Variants in TOM1L1 observed in about 807,000 individuals in gnomAD.
TOM1L1 encodes the protein target of myb1 like 1 membrane trafficking protein, also known as TOM1-like protein 1.
In TOM1L1, 64 loss-of-function variants were observed where a neutral mutation model predicts 63.4. The observed-to-expected ratio is 1.01, with a 90% CI of 0.83 to 1.24. The LOEUF is 1.24. Ranked by LOEUF, TOM1L1 falls within the 50% of genes most tolerant of loss-of-function variation. The pLI is 0.00. For synonymous variants in TOM1L1, 166 were observed against 194.4 expected (o/e 0.85, Z 1.22); for missense variants, 536 against 567.0 (o/e 0.95, Z 0.55).
rs1041309323 is a variant in TOM1L1 at position 54,936,996 on chromosome 17, T to C, written c.916-113T>C. 4.6e-5 allele frequency: 42 copies of C among 913,224 alleles called. No homozygotes were observed. The Admixed American group carries it at 5.3e-4, about 12-fold the overall frequency. 56.6% of individuals were successfully genotyped at this position (913,224 alleles called of 1,614,324 possible). A position where few individuals can be genotyped will look rare whatever the true frequency, so the allele number is the denominator to read the frequency against. On this transcript the variant is annotated intron_variant, in intron 9 of 15. Coordinates refer to ENST00000575882, the MANE Select transcript of TOM1L1 (RefSeq NM_005486.3). ...CTAATGTTGCTCGTTGAGTGGAGAA[T>C]TCTTCCTTAAAATGCATCCAAATAG...
At chr17:54,955,273 C>T (rs1197221667) in intron 14 of TOM1L1, 1 of 152,258 alleles carries the variant, frequency 6.6e-6, no homozygotes, top group Non-Finnish European at 1.5e-5. Context: ...CAGGAGATCT[C>T]ATGGAGACAA....
chr17:54,961,076 T>G, intron 15 of TOM1L1, 159 bp from the exon 16 acceptor site: 1 of 631,910 alleles, frequency 1.6e-6, no homozygotes, highest in Admixed American at 2.9e-5. Flanking sequence ...AAAACTTATT[T>G]ATTCCCCTTA....
intron 7 of TOM1L1, among the ~76,000 whole-genome samples, chr17:54,922,298 TAAAC>T (rs1280857408): frequency 8.1e-5 from 12 of 147,362 alleles, no homozygotes; most frequent in Admixed American, 6.8e-4. Context: ...CTCAAAAAAA[TAAAC>T]AAAAAAAGAA....
intron 9 of TOM1L1, 109 bp from the exon 10 acceptor site, chr17:54,937,000 T>A: frequency 1.1e-6 from 1 of 936,622 alleles, no homozygotes. Context: ...GGAGAATTCT[T>A]CCTTAAAATG....
rs1467615278 is a variant in TOM1L1, at chr17:54,903,783, C to A, written c.134C>A (p.Thr45Asn). ...FMHICDIINTTQDGPKDAVKA... is the reference protein window; with the variant it reads ...FMHICDIINTNQDGPKDAVKA... ...CACATCTGTGACATAATTAACACTA[C>A]CCAGGATGGGTGAGTACAGCATGGT... Residue 45 changes from threonine (T) to asparagine (N), a missense_variant, in exon 2 of 16, where the codon ACC (threonine) becomes AAC (asparagine). Coordinates refer to ENST00000575882, the MANE Select transcript of TOM1L1 (RefSeq NM_005486.3). 2 of 1,614,054 alleles carry A rather than the reference C, an allele frequency of 1.2e-6. No individual in the cohort carries two copies. Among genetic ancestry groups the A allele is most frequent in the Admixed American group, 1.7e-5 (1 of 60,024 alleles).
chr17:54,913,899 G>GA, intron 5 of TOM1L1, 26 bp downstream of exon 5: 1 of 1,595,744 alleles, frequency 6.3e-7, no homozygotes, highest in Non-Finnish European at 8.6e-7. Flanking sequence ...TTGACCCATG[G>GA]AGACTATAGT....
At chr17:54,905,912 A>G (rs1441694378) in intron 3 of TOM1L1, among the ~76,000 whole-genome samples, 1 of 151,904 alleles carries the variant, frequency 6.6e-6, no homozygotes, top group Non-Finnish European at 1.5e-5. Context: ...GCTCCTGCCT[A>G]TAATCCTAGC....
chr17:54,912,577 G>A (rs1434550997), intron 3 of TOM1L1, 89 bp from the exon 4 acceptor site: 1 of 1,118,240 alleles, frequency 8.9e-7, no homozygotes. Context: ...GGATGCTGAT[G>A]GAACCCATTA....
chr17:54,902,842 T>C (rs981951534), intron 1 of TOM1L1, among the ~76,000 whole-genome samples: 1 of 152,230 alleles, frequency 6.6e-6, no homozygotes, highest in African/African-American at 2.4e-5. Context: ...AGATGCCTGA[T>C]TATCTAATCA....
chr17:54,905,418 T>C, intron 2 of TOM1L1, 71 bp from the exon 3 acceptor site: 2 of 1,043,430 alleles, frequency 1.9e-6, no homozygotes, highest in South Asian at 1.4e-5. Context: ...CAAATGCATG[T>C]TGCTTTTCAG....
At chr17:54,915,170 G>A (rs151151951) in intron 6 of TOM1L1, among the ~76,000 whole-genome samples, 74 of 152,260 alleles carry the variant, frequency 4.9e-4, no homozygotes, top group Middle Eastern at 3.4e-3. Context: ...CCAAGGTACC[G>A]ATAAACAATT....
At chr17:54,931,066 GT>G in intron 8 of TOM1L1, among the ~76,000 whole-genome samples, 1 of 151,918 alleles carries the variant, frequency 6.6e-6, no homozygotes, top group African/African-American at 2.4e-5. Context: ...AAAATGACAT[GT>G]TAAGACACCC....
intron 10 of TOM1L1, chr17:54,937,503 A>G (rs1021858724): frequency 2.0e-5 from 8 of 407,296 alleles, no homozygotes; most frequent in Non-Finnish European, 3.6e-5. Context: ...GTTCAGCCCA[A>G]TGGCCAATAC....
intron 7 of TOM1L1, among the ~76,000 whole-genome samples, chr17:54,923,204 A>T (rs914521663): frequency 6.6e-6 from 1 of 152,192 alleles, no homozygotes. Flanking sequence ...ATTCACATAC[A>T]GGTTTTTCTT....
At chr17:54,943,632 T>C (rs1472387068) in intron 11 of TOM1L1, among the ~76,000 whole-genome samples, 1 of 152,108 alleles carries the variant, frequency 6.6e-6, no homozygotes, top group African/African-American at 2.4e-5. Flanking sequence ...GCTTTAGTGA[T>C]TGCAGTATAC....
rs976920521 is a variant in TOM1L1, at chr17:54,937,392, C to T, written c.1033+166C>T. ...CTTCCCGGCAAATGGTTGAGTCAAA[C>T]CCAGTATAGCAATGGGATGTGTCTG... On this transcript the variant is annotated intron_variant, in intron 10 of 15. Coordinates refer to ENST00000575882, the MANE Select transcript of TOM1L1 (RefSeq NM_005486.3). 5 of 615,914 alleles carry T rather than the reference C, an allele frequency of 8.1e-6. No homozygotes were observed. The African/African-American group carries it at 9.2e-5, about 11-fold the overall frequency. 38.2% of individuals were successfully genotyped at this position (615,914 alleles called of 1,614,324 possible).
rs2077121975 is a variant in TOM1L1, at chr17:54,961,408, T to C, written c.*175T>C. 9 of 1,535,960 alleles carry C rather than the reference T, an allele frequency of 5.9e-6. No individual in the cohort carries two copies. Among genetic ancestry groups the C allele is most frequent in the Middle Eastern group, 1.7e-4 (1 of 5,936 alleles). On this transcript the variant is annotated 3_prime_UTR_variant, in exon 16 of 16. Transcript: ENST00000575882. ...AATAACAGTTCCAGGATAACACTGATTCCTGACAACAGCGTGAGATTTCAA... is the reference window on the plus strand; with the variant it reads ...AATAACAGTTCCAGGATAACACTGACTCCTGACAACAGCGTGAGATTTCAA...
chr17:54,912,216 A>G (rs1438592396), intron 3 of TOM1L1, among the ~76,000 whole-genome samples: 1 of 152,158 alleles, frequency 6.6e-6, no homozygotes, highest in East Asian at 1.9e-4. Context: ...TCTTGCCTAT[A>G]AGGGCCTATA....
At chr17:54,923,948 C>T (rs1344561406) in intron 7 of TOM1L1, among the ~76,000 whole-genome samples, 1 of 152,000 alleles carries the variant, frequency 6.6e-6, no homozygotes, top group Non-Finnish European at 1.5e-5. Context: ...GCTAAGATTG[C>T]ACCACCGTAC....
Sources: gnomAD v4.1 joint callset for allele counts (sites outside exome capture counted in the v4.1 genomes callset) on GRCh38, gnomAD v4.1.1 for gene constraint, MANE v1.5 for transcripts, NCBI Gene and HGNC (gene_info 2026-07-23, HGNC 2026-07-21) for gene names.